The following SLC11A1 variants were observed in gnomAD, a reference collection of about 807,000 sequenced individuals.
SLC11A1 encodes natural resistance-associated macrophage protein 1.
Under a neutral mutation model 63.2 loss-of-function variants are expected in SLC11A1, and 59 were observed. That is an observed-to-expected ratio of 0.93 (90% CI 0.76 to 1.16). The LOEUF (loss-of-function observed/expected upper bound fraction) is 1.16. Among genes scored for constraint, SLC11A1 ranks in the 50% most tolerant of loss-of-function variants. The pLI, the probability that SLC11A1 is intolerant of heterozygous loss-of-function variation, is 0.00. For missense variants in SLC11A1, 688 were observed against 730.7 expected, an observed-to-expected ratio of 0.94 and a Z score of 0.67; for synonymous variants, 305 against 307.8, an observed-to-expected ratio of 0.99 and a Z score of 0.09.
chr2:218,390,495 C>T (rs1158950504), intron 9 of SLC11A1, among the ~76,000 whole-genome samples: 1 of 152,240 alleles, frequency 6.6e-6, no homozygotes, highest in Non-Finnish European at 1.5e-5. Flanking sequence ...TCTGTCTCCC[C>T]TTCTGAGTGG....
Position 218,382,344 on chromosome 2 carries a change from C to A in SLC11A1, c.-25C>A. 1 of 1,613,186 alleles carries A rather than the reference C, an allele frequency of 6.2e-7. No individual in the cohort carries two copies. Among genetic ancestry groups the A allele is most frequent in the South Asian group, 1.1e-5 (1 of 90,924 alleles). On this transcript the variant is annotated 5_prime_UTR_variant, in exon 1 of 15. Coordinates refer to ENST00000233202, the MANE Select transcript of SLC11A1 (RefSeq NM_000578.4). The stretch of plus-strand genomic sequence containing the variant: ...CTGCCCAGAGCACCGCTCACACTCC[C>A]AGAGTACCTGAAGTCGGCATTTCAA...
At chr2:218,388,941 G>T (rs1396078499) in intron 8 of SLC11A1, among the ~76,000 whole-genome samples, 1 of 151,952 alleles carries the variant, frequency 6.6e-6, no homozygotes, top group African/African-American at 2.4e-5. Context: ...ATAAAACCCT[G>T]TCTCTACCAA....
chr2:218,383,200 C>G (rs1574759058), intron 2 of SLC11A1, 98 bp downstream of exon 2: 1 of 1,383,966 alleles, frequency 7.2e-7, no homozygotes, highest in African/African-American at 1.4e-5. Flanking sequence ...TCATGGGTGG[C>G]AAGTCCCTTC....
At position 218,394,719 on chromosome 2, in the gene SLC11A1, C is replaced by A; in HGVS notation, c.1476C>A (p.Pro492=). 1 of 1,614,048 alleles carries A rather than the reference C, an allele frequency of 6.2e-7. No individual in the cohort carries two copies. Among genetic ancestry groups the A allele is most frequent in the South Asian group, 1.1e-5 (1 of 91,092 alleles). ...YFVVSYLPSL[P]HPAYFGLAAL... is the part of the protein sequence containing the mutation. The stretch of plus-strand genomic sequence containing the variant: ...TGGTCAGCTATCTGCCCAGCCTGCC[C>A]CACCCTGCCTACTTCGGCCTTGCAG... Residue 492 remains proline (P), a synonymous_variant, in exon 14 of 15, where the codon CCC becomes CCA. Transcript: ENST00000233202.
intron 11 of SLC11A1, 86 bp downstream of exon 11, chr2:218,391,581 T>C (rs187676090): frequency 7.3e-7 from 1 of 1,368,774 alleles, no homozygotes; most frequent in East Asian, 2.5e-5. Flanking sequence ...GCCTTGTGGG[T>C]CCTCTTTTCT....
In SLC11A1 at chr2:218,394,786, G is replaced by A; in HGVS notation, c.1542+1G>A. 6.2e-7 allele frequency: 1 copy of A among 1,611,960 alleles called. No individual in the cohort carries two copies. The highest frequency in any genetic ancestry group is 8.5e-7 in the Non-Finnish European group (1 of 1,179,986). On this transcript the variant is annotated splice_donor_variant, in intron 14 of 14. Transcript: ENST00000233202. LOFTEE classifies it high-confidence loss of function. ...CTACCTGGGCCTCAGCACCTACCTG[G>A]TACAGTAGGGCCAGGGGATGCCTTG...
Position 218,389,972 on chromosome 2 carries a change from C to T in SLC11A1, c.898C>T (p.Leu300Phe), listed in dbSNP as rs754814800. ...IALSVSFIIN[L>F]FVMAVFGQAF... is the part of the protein sequence containing the mutation. ...CCTGTCCGTCTCCTTTATCATCAAC[C>T]TCTTTGTCATGGCTGTCTTTGGGCA... The change falls in exon 9 of 15, where the codon CTC becomes TTC. Residue 300 changes from leucine to phenylalanine, a missense_variant. By Grantham distance (22) the Leu-to-Phe change is conservative. Coordinates refer to ENST00000233202, the MANE Select transcript of SLC11A1 (RefSeq NM_000578.4). The T allele has an allele frequency of 1.2e-6, 2 of 1,614,060 alleles. No homozygotes were observed. Among genetic ancestry groups the T allele is most frequent in the Non-Finnish European group, 8.5e-7 (1 of 1,179,984 alleles).
intron 4 of SLC11A1, among the ~76,000 whole-genome samples, chr2:218,386,315 G>A (rs1696098687): frequency 6.6e-6 from 1 of 152,146 alleles, no homozygotes; most frequent in African/African-American, 2.4e-5. Flanking sequence ...AGCCGGGCAT[G>A]GTGGCACATG....
chr2:218,391,518 G>A (rs1696450820), intron 11 of SLC11A1, 23 bp downstream of exon 11: 2 of 1,562,784 alleles, frequency 1.3e-6, no homozygotes, highest in South Asian at 1.2e-5. Flanking sequence ...GCGGGCCCAG[G>A]AGGGCAAGGG....
rs1010181545 is a variant in SLC11A1 at position 218,389,939 on chromosome 2, A to G, written c.865A>G (p.Thr289Ala). The G allele has an allele frequency of 5.0e-6, 8 of 1,614,054 alleles. No homozygotes were observed. The highest frequency in any genetic ancestry group is 1.3e-5 in the African/African-American group (1 of 75,018). Reference sequence around the variant, plus strand: ...CAACATGTACTTCCTGATTGAGGCCACCATCGCCCTGTCCGTCTCCTTTAT... The same window carrying G: ...CAACATGTACTTCCTGATTGAGGCCGCCATCGCCCTGTCCGTCTCCTTTAT... Reference protein sequence around the residue: ...EANMYFLIEATIALSVSFIIN... With the variant: ...EANMYFLIEAAIALSVSFIIN... The change falls in exon 9 of 15, where the codon ACC (threonine) becomes GCC (alanine). Residue 289 changes from threonine (T) to alanine (A), a missense_variant. Physicochemically the swap from Thr to Ala is moderately conservative, Grantham distance 58. Coordinates refer to ENST00000233202, the MANE Select transcript of SLC11A1 (RefSeq NM_000578.4).
rs1696615586 is a variant in SLC11A1 at position 218,394,140 on chromosome 2, C to T, written c.1335C>T (p.Pro445=). 3 of 1,614,150 alleles carry T rather than the reference C, an allele frequency of 1.9e-6. No homozygotes were observed. Among genetic ancestry groups the T allele is most frequent in the Non-Finnish European group, 2.5e-6 (3 of 1,180,030 alleles). ...CCCAGCTCCCGTTCGCCGTGCTGCC[C>T]ATCCTCACGTTCACCAGCATGCCCA... ...QSLLLPFAVL[P]ILTFTSMPTL... The change falls in exon 13 of 15, where the codon CCC becomes CCT. Residue 445 remains proline (P), a synonymous_variant. Coordinates refer to ENST00000233202, the MANE Select transcript of SLC11A1 (RefSeq NM_000578.4).
intron 2 of SLC11A1, 154 bp downstream of exon 2, chr2:218,383,256 C>A: frequency 2.7e-6 from 2 of 748,326 alleles, no homozygotes; most frequent in Non-Finnish European, 4.3e-6. Context: ...CCCCTTCCTG[C>A]TTCCGTCCCC....
intron 5 of SLC11A1, 173 bp downstream of exon 5, chr2:218,386,914 T>G: frequency 1.5e-6 from 1 of 662,252 alleles, no homozygotes; most frequent in East Asian, 2.7e-5. Flanking sequence ...CACACAGATG[T>G]GAGTCATGCA....
Position 218,391,369 on chromosome 2 carries a change from C to T in SLC11A1, c.1045-7C>T, listed in dbSNP as rs373819173. ...GGCCACCGGTCCTACCACACTCGTC[C>T]CTGCAGGGCGTGATCCTGGGCTGCC... On this transcript the variant is annotated splice_region_variant and splice_polypyrimidine_tract_variant and intron_variant, in intron 10 of 14. Transcript: ENST00000233202. 10 of 1,613,864 alleles carry T rather than the reference C, an allele frequency of 6.2e-6. No homozygotes were observed. The highest frequency in any genetic ancestry group is 5.3e-5 in the African/African-American group (4 of 74,946).
rs1449102257 is a variant in SLC11A1, at chr2:218,384,394, A to G, written c.273+29A>G. Reference sequence around the variant, plus strand: ...ACTAAGTCGGGACCTGAGTGGGGACACTTTCGAGAGGGAGGTGACCAGGCT... The same window carrying G: ...ACTAAGTCGGGACCTGAGTGGGGACGCTTTCGAGAGGGAGGTGACCAGGCT... On this transcript the variant is annotated intron_variant, in intron 3 of 14. Coordinates refer to ENST00000233202, the MANE Select transcript of SLC11A1 (RefSeq NM_000578.4). The surrounding 1 kb of genome is among the most constrained non-coding windows in gnomAD (Gnocchi z 4.0). The G allele has an allele frequency of 1.3e-6, 2 of 1,578,162 alleles. No homozygotes were observed. The highest frequency in any genetic ancestry group is 2.7e-5 in the African/African-American group (2 of 74,138).
At chr2:218,385,809 C>T (rs187007337) in intron 4 of SLC11A1, among the ~76,000 whole-genome samples, 1 of 152,080 alleles carries the variant, frequency 6.6e-6, no homozygotes, top group Admixed American at 6.6e-5. Flanking sequence ...AAGAGACTTG[C>T]CCAAGACAAA....
intron 11 of SLC11A1, chr2:218,392,055 CT>C: frequency 8.1e-6 from 3 of 368,494 alleles, no homozygotes; most frequent in East Asian, 2.0e-4. Context: ...TGCGTCCGGC[CT>C]TTTCTTTTCT....
chr2:218,383,110 G>A lies in SLC11A1; in HGVS notation c.150+8G>A, dbSNP rs1212619375. ...ATCCCAGACACAAAACCGGTGGGAT[G>A]CTGGAAACTTCCTGGGGGCTTGCAA... On this transcript the variant is annotated splice_region_variant and intron_variant, in intron 2 of 14. Transcript: ENST00000233202. 1 of 1,613,154 alleles carries A rather than the reference G, an allele frequency of 6.2e-7. No individual in the cohort carries two copies. Among genetic ancestry groups the A allele is most frequent in the African/African-American group, 1.3e-5 (1 of 75,004 alleles).
chr2:218,384,913 G>C lies in SLC11A1; in HGVS notation c.274-234G>C. On this transcript the variant is annotated intron_variant, in intron 3 of 14. Transcript: ENST00000233202. This position sits in a 1 kb window ranked among gnomAD's most constrained non-coding sequence, Gnocchi z 4.0. ...AATTTATTTATTTATTTAGAGATGGGGGTCTCACTATGTTGCTCAGGCTGC... is the reference window on the plus strand; with the variant it reads ...AATTTATTTATTTATTTAGAGATGGCGGTCTCACTATGTTGCTCAGGCTGC... The C allele has an allele frequency of 4.2e-6, 2 of 472,824 alleles. No homozygotes were observed. The highest frequency in any genetic ancestry group is 4.2e-5 in the South Asian group (2 of 47,740). The allele number at this position is 472,824 out of a possible 1,614,324, so 29.3% of individuals were successfully genotyped here.
Sources: allele counts gnomAD v4.1 joint callset (sites outside exome capture counted in the v4.1 genomes callset), GRCh38; gene constraint gnomAD v4.1.1; non-coding constraint Gnocchi (gnomAD v3.1); transcripts MANE v1.5; gene names NCBI Gene and HGNC (gene_info 2026-07-23, HGNC 2026-07-21).